TTLL5: variants seen among roughly 807,000 people sequenced by gnomAD.
TTLL5 encodes tubulin polyglutamylase TTLL5.
A neutral mutation model predicts 168.4 loss-of-function variants in TTLL5; 132 were observed. That is an observed-to-expected ratio of 0.78 (90% CI 0.68 to 0.91). The LOEUF (loss-of-function observed/expected upper bound fraction) is 0.91, where lower values mean the gene tolerates loss of function less well. Among genes scored for constraint, TTLL5 ranks in the 40% least tolerant of loss-of-function variants. The probability of loss-of-function intolerance (pLI) is 0.00; values close to 1 mark genes in which losing one functional copy is unlikely to be tolerated. For missense variants in TTLL5, 1,545 were observed against 1,581.5 expected, an observed-to-expected ratio of 0.98 and a Z score of 0.39; for synonymous variants, 546 against 558.6, an observed-to-expected ratio of 0.98 and a Z score of 0.32.
At chr14:75,938,927 A>G (rs763208892) in intron 31 of TTLL5, among the ~76,000 whole-genome samples, 19 of 152,218 alleles carry the variant, frequency 1.2e-4, no homozygotes, top group Non-Finnish European at 2.5e-4. Flanking sequence ...TAGAGCAGTG[A>G]TTGTTAAACT....
chr14:75,694,933 G>A (rs1197857166), intron 6 of TTLL5, among the ~76,000 whole-genome samples: 7 of 151,994 alleles, frequency 4.6e-5, no homozygotes, highest in South Asian at 2.1e-4. Context: ...TGATAATTGC[G>A]TTAACTGCAC....
chr14:75,864,489 T>A (rs566745077), intron 29 of TTLL5, among the ~76,000 whole-genome samples: 1 of 152,214 alleles, frequency 6.6e-6, no homozygotes, highest in African/African-American at 2.4e-5. Context: ...GTGCAACTTA[T>A]GTGTAGGGAG....
chr14:75,723,521 T>A lies in TTLL5; in HGVS notation c.1042+2818T>A, dbSNP rs181200643. ...TTATTTTTCTACATCTACTTGGCTC[T>A]TATATGAGGGTAAATTTCTGATATC... On this transcript the variant is annotated intron_variant, in intron 12 of 31. Transcript: ENST00000298832. Among the ~76,000 whole-genome samples the A allele has an allele frequency of 3.2e-3, 495 of 152,312 alleles. 2 individuals carry two copies. Among genetic ancestry groups the A allele is most frequent in the Non-Finnish European group, 5.0e-3 (337 of 68,020 alleles).
In TTLL5 at chr14:75,926,132, TAA is replaced by T. The variant is rs1176025742; in HGVS notation, c.3823+23910_3823+23911del. Among the ~76,000 whole-genome samples the T allele has an allele frequency of 1.5e-5, 2 of 130,644 alleles. 1 individual carries two copies. Among genetic ancestry groups the T allele is most frequent in the African/African-American group, 5.9e-5 (2 of 33,778 alleles). 85.7% of individuals were successfully genotyped at this position (130,644 alleles called of 152,430 possible). A position where few individuals can be genotyped will look rare whatever the true frequency, so the allele number is the denominator to read the frequency against. ...AGAGGGAGAACTTGTCTATGTATTTTAAAGACTAGGATTGCAACCCCAGCTTT... is the reference window on the plus strand; with the variant it reads ...AGAGGGAGAACTTGTCTATGTATTTTAGACTAGGATTGCAACCCCAGCTTT... On this transcript the variant is annotated intron_variant, in intron 31 of 31. Coordinates refer to ENST00000298832, the MANE Select transcript of TTLL5 (RefSeq NM_015072.5).
At chr14:75,767,831 C>A (rs1295922479) in intron 20 of TTLL5, among the ~76,000 whole-genome samples, 1 of 152,132 alleles carries the variant, frequency 6.6e-6, no homozygotes, top group African/African-American at 2.4e-5. Context: ...AGATGAAGGC[C>A]TTGATCAGAG....
At chr14:75,789,355 T>C (rs1235411203) in intron 26 of TTLL5, among the ~76,000 whole-genome samples, 1 of 152,194 alleles carries the variant, frequency 6.6e-6, no homozygotes, top group Non-Finnish European at 1.5e-5. Context: ...AATTGTGTAA[T>C]TGCAGATAAT....
chr14:75,906,507 C>T (rs45579844), intron 31 of TTLL5: 143 of 985,608 alleles, frequency 1.5e-4, no homozygotes, highest in Non-Finnish European at 1.5e-4. Flanking sequence ...TCCTTTGGGC[C>T]AAAATCAAAT....
At chr14:75,765,575 A>G (rs1265119054) in intron 19 of TTLL5, among the ~76,000 whole-genome samples, 1 of 152,144 alleles carries the variant, frequency 6.6e-6, no homozygotes, top group Non-Finnish European at 1.5e-5. Flanking sequence ...AGAATATGTA[A>G]CATTAGGCCA....
At chr14:75,903,730 A>G (rs2033024259) in intron 31 of TTLL5, among the ~76,000 whole-genome samples, 1 of 151,938 alleles carries the variant, frequency 6.6e-6, no homozygotes, top group Non-Finnish European at 1.5e-5. Context: ...TCTCTACAAA[A>G]AAAAAAAGTT....
intron 9 of TTLL5, among the ~76,000 whole-genome samples, chr14:75,715,259 T>A (rs1594914629): frequency 6.8e-6 from 1 of 148,056 alleles, no homozygotes; most frequent in East Asian, 2.0e-4. Flanking sequence ...CTACTCACCA[T>A]CTTCCTTTTT....
intron 27 of TTLL5, among the ~76,000 whole-genome samples, chr14:75,815,802 T>G (rs2140403327): frequency 6.6e-6 from 1 of 152,362 alleles, no homozygotes; most frequent in Non-Finnish European, 1.5e-5. Context: ...AACTTTTATG[T>G]GACTTTGAGC....
chr14:75,683,358 C>T (rs1036110031), intron 4 of TTLL5, among the ~76,000 whole-genome samples, 192 bp from the exon 5 acceptor site: 10 of 152,214 alleles, frequency 6.6e-5, no homozygotes, highest in African/African-American at 2.4e-4. Context: ...GGGATTTGCC[C>T]AACCCTCCCA....
intron 28 of TTLL5, among the ~76,000 whole-genome samples, chr14:75,832,560 A>G (rs1459264132): frequency 6.6e-6 from 1 of 152,230 alleles, no homozygotes; most frequent in Non-Finnish European, 1.5e-5. Context: ...TAATTTTGCT[A>G]TGTGGAAAGT....
intron 6 of TTLL5, among the ~76,000 whole-genome samples, chr14:75,694,586 G>A (rs1381991102): frequency 1.3e-5 from 2 of 152,084 alleles, no homozygotes; most frequent in Admixed American, 1.3e-4. Flanking sequence ...CGCCCACCTC[G>A]GCCTCCCAAA....
rs1443997275 is a variant in TTLL5, at chr14:75,737,513, G to T, written c.1281+2224G>T. The T allele has an allele frequency of 8.7e-6, 13 of 1,496,012 alleles. No individual in the cohort carries two copies. The African/African-American group carries it at 1.8e-4, about 21-fold the overall frequency. 92.7% of individuals were successfully genotyped at this position (1,496,012 alleles called of 1,614,324 possible). A position where few individuals can be genotyped will look rare whatever the true frequency, so the allele number is the denominator to read the frequency against. On this transcript the variant is annotated intron_variant, in intron 15 of 31. Transcript: ENST00000298832. ...ATCATAGATCTAGGAGATGGAAAAT[G>T]TAGGCATATTAGGAGAAGATAAGGG...
chr14:75,811,355 A>G (rs1428736671), intron 27 of TTLL5, among the ~76,000 whole-genome samples: 2 of 151,632 alleles, frequency 1.3e-5, no homozygotes, highest in Non-Finnish European at 2.9e-5. Context: ...GTCTGTCCCT[A>G]TCTTCTATGA....
intron 31 of TTLL5, among the ~76,000 whole-genome samples, chr14:75,924,337 A>G (rs1031144456): frequency 2.8e-5 from 4 of 140,566 alleles, no homozygotes; most frequent in Admixed American, 7.2e-5. Context: ...GCAGAGGGGG[A>G]GTTGGCAGGG....
intron 31 of TTLL5, among the ~76,000 whole-genome samples, chr14:75,911,914 G>A (rs1439394586): frequency 1.3e-5 from 2 of 152,222 alleles, no homozygotes; most frequent in Non-Finnish European, 2.9e-5. Flanking sequence ...TGATGATCGA[G>A]AGGAGAGAGA....
intron 31 of TTLL5, among the ~76,000 whole-genome samples, chr14:75,951,480 C>G (rs546448242): frequency 6.6e-6 from 1 of 152,246 alleles, no homozygotes; most frequent in African/African-American, 2.4e-5. Flanking sequence ...AAATACCAGG[C>G]AGGGCGCAGT....
Sources: gnomAD v4.1 joint callset for allele counts (sites outside exome capture counted in the v4.1 genomes callset) on GRCh38, gnomAD v4.1.1 for gene constraint, MANE v1.5 for transcripts, NCBI Gene and HGNC (gene_info 2026-07-23, HGNC 2026-07-21) for gene names.